The following SLCO1A2 variants were observed in gnomAD, a reference collection of about 807,000 sequenced individuals.
SLCO1A2 encodes the protein OATP-1.
In SLCO1A2, 67 loss-of-function variants were observed where a neutral mutation model predicts 69.0. The observed-to-expected ratio is 0.97, with a 90% CI of 0.80 to 1.19. SLCO1A2 has a LOEUF of 1.19. Ranked by LOEUF, SLCO1A2 falls within the 50% of genes most tolerant of loss-of-function variation. The pLI is 0.00. For synonymous variants in SLCO1A2, 260 were observed against 265.9 expected (o/e 0.98, Z 0.22); for missense variants, 787 against 793.7 (o/e 0.99, Z 0.10).
chr12:21,395,718 G>A (rs1000055614), upstream of SLCO1A2, among the ~76,000 whole-genome samples: 3 of 152,278 alleles, frequency 2.0e-5, no homozygotes, highest in Middle Eastern at 3.4e-3. Flanking sequence ...CCTGACCCCT[G>A]ACCCCCGAGC....
At chr12:21,320,163 C>T (rs1951420004) in intron 2 of SLCO1A2, among the ~76,000 whole-genome samples, 1 of 152,162 alleles carries the variant, frequency 6.6e-6, no homozygotes, top group Admixed American at 6.5e-5. Flanking sequence ...CTCACACCTT[C>T]CACCTTCCAC....
At chr12:21,358,245 C>T (rs1464752172) in intron 2 of SLCO1A2, among the ~76,000 whole-genome samples, 2 of 152,116 alleles carry the variant, frequency 1.3e-5, no homozygotes, top group Non-Finnish European at 2.9e-5. Flanking sequence ...TGAAAGTATG[C>T]TGGAAAAAAT....
At chr12:21,280,417 G>A (rs1330319843) in intron 12 of SLCO1A2, among the ~76,000 whole-genome samples, 2 of 151,922 alleles carry the variant, frequency 1.3e-5, no homozygotes, top group Non-Finnish European at 2.9e-5. Context: ...CCAAAAAAGA[G>A]CAGGAGTAGC....
rs1404233836 is a variant in SLCO1A2, at chr12:21,334,576, A to C, written c.60+12T>G. On this transcript the variant is annotated intron_variant, in intron 2 of 14. Coordinates refer to ENST00000683939, the MANE Select transcript of SLCO1A2 (RefSeq NM_001386879.1). Reference sequence around the variant, plus strand: ...GTACATGCACATATATCCACATACAAAAATTCCATACCTTCAACTTGGAAA... The same window carrying C: ...GTACATGCACATATATCCACATACACAAATTCCATACCTTCAACTTGGAAA... 6.2e-7 allele frequency: 1 copy of C among 1,602,328 alleles called. No individual in the cohort carries two copies. Among genetic ancestry groups the C allele is most frequent in the East Asian group, 2.2e-5 (1 of 44,658 alleles).
intron 1 of SLCO1A2, among the ~76,000 whole-genome samples, chr12:21,383,284 C>CTTAGTTT (rs1288370888): frequency 6.6e-6 from 1 of 152,054 alleles, no homozygotes; most frequent in East Asian, 1.9e-4. Context: ...TTTCTTTGTT[C>CTTAGTTT]CGTATACAAC....
intron 8 of SLCO1A2, among the ~76,000 whole-genome samples, chr12:21,298,768 G>T (rs571318858): frequency 7.2e-5 from 11 of 152,030 alleles, no homozygotes; most frequent in Non-Finnish European, 1.2e-4. Context: ...AACTGATCTT[G>T]CAGACTGCAA....
chr12:21,411,708 G>A (rs1941910084), intron 1 of SLCO1A2, among the ~76,000 whole-genome samples: 1 of 151,284 alleles, frequency 6.6e-6, no homozygotes, highest in African/African-American at 2.4e-5. Flanking sequence ...TTTGAGACAA[G>A]GTTTCACTCC....
At chr12:21,345,393 G>T (rs1255220510) in intron 2 of SLCO1A2, among the ~76,000 whole-genome samples, 1 of 152,006 alleles carries the variant, frequency 6.6e-6, no homozygotes, top group African/African-American at 2.4e-5. Flanking sequence ...ATTCTAAAAT[G>T]TTAGAACCAG....
At chr12:21,288,571 G>T (rs972341912) in intron 12 of SLCO1A2, among the ~76,000 whole-genome samples, 1 of 152,106 alleles carries the variant, frequency 6.6e-6, no homozygotes, top group African/African-American at 2.4e-5. Context: ...CGAAAAAATG[G>T]AAAGAATGAA....
intron 1 of SLCO1A2, among the ~76,000 whole-genome samples, chr12:21,400,634 C>T (rs1311432216): frequency 6.6e-6 from 1 of 150,678 alleles, no homozygotes; most frequent in Non-Finnish European, 1.5e-5. Context: ...ACCCAAATGT[C>T]CAACAATGAT....
intron 2 of SLCO1A2, among the ~76,000 whole-genome samples, chr12:21,360,737 A>G (rs1356897766): frequency 1.3e-5 from 2 of 152,246 alleles, no homozygotes; most frequent in African/African-American, 4.8e-5. Flanking sequence ...CCAGGAGATT[A>G]TATCCCGCGG....
At chr12:21,398,267 A>C (rs1340546976), upstream of SLCO1A2, among the ~76,000 whole-genome samples, 2 of 151,400 alleles carry the variant, frequency 1.3e-5, no homozygotes, top group Non-Finnish European at 3.0e-5. Context: ...TAAACTAGAA[A>C]ATCTAGAAGA....
intron 1 of SLCO1A2, among the ~76,000 whole-genome samples, chr12:21,376,018 T>C (rs1272763726): frequency 3.3e-5 from 5 of 152,208 alleles, no homozygotes; most frequent in Non-Finnish European, 7.4e-5. Flanking sequence ...AATAGTATAT[T>C]TAGATGAAAA....
At position 21,347,673 on chromosome 12, in the gene SLCO1A2, G is replaced by A. The variant is rs113914603; in HGVS notation, c.-62-12964C>T. On this transcript the variant is annotated intron_variant, in intron 2 of 15. Coordinates refer to the SLCO1A2 transcript ENST00000307378. ...AGAAGGAAAGAAGAAAGAAAGAAAGGAAGGAAGGAAGGAAGGAAGGAAGGA... is the reference window on the plus strand; with the variant it reads ...AGAAGGAAAGAAGAAAGAAAGAAAGAAAGGAAGGAAGGAAGGAAGGAAGGA... 6.5e-4 allele frequency among the ~76,000 whole-genome samples: 85 copies of A among 130,832 alleles called. 1 individual carries two copies. The highest frequency in any genetic ancestry group is 4.3e-3 in the South Asian group (17 of 3,926). The allele number at this position is 130,832 out of a possible 152,430, so 85.8% of individuals were successfully genotyped here.
At chr12:21,281,128 T>A (rs1232459848) in intron 12 of SLCO1A2, among the ~76,000 whole-genome samples, 1 of 151,992 alleles carries the variant, frequency 6.6e-6, no homozygotes, top group Admixed American at 6.6e-5. Flanking sequence ...TATAAATGCC[T>A]ACATCAAAAA....
Position 21,306,075 on chromosome 12 carries a change from GA to G in SLCO1A2, c.442+806del, listed in dbSNP as rs372092341. Among the ~76,000 whole-genome samples, 272 of 150,484 alleles carry G rather than the reference GA, an allele frequency of 1.8e-3. 8 individuals are homozygous for G. In the South Asian group the frequency reaches 0.046, roughly 26 times the overall value. On this transcript the variant is annotated intron_variant, in intron 5 of 14. Coordinates refer to ENST00000683939, the MANE Select transcript of SLCO1A2 (RefSeq NM_001386879.1). ...TAAAGCACTATCTCCAGTAGAGGGG[GA>G]AAAAAAAAGAGCAGAAAGACAAGTT...
At position 21,380,892 on chromosome 12, in the gene SLCO1A2, G is replaced by A. The variant is rs542089791; in HGVS notation, c.-189-6367C>T. Among the ~76,000 whole-genome samples the A allele has an allele frequency of 1.8e-3, 62 of 33,526 alleles. No individual in the cohort carries two copies. The Middle Eastern group carries it at 0.054, about 29-fold the overall frequency. The allele number at this position is 33,526 out of a possible 152,430, so 22.0% of individuals were successfully genotyped here. ...ACACCCCCATGCCCCCACTGCCCCA[G>A]CCCCCGACCAAGAATTATCAGGCGA... On this transcript the variant is annotated intron_variant, in intron 1 of 15. Transcript: ENST00000307378.
At chr12:21,328,893 T>A (rs181702171) in intron 2 of SLCO1A2, among the ~76,000 whole-genome samples, 2 of 152,324 alleles carry the variant, frequency 1.3e-5, no homozygotes, top group African/African-American at 4.8e-5. Flanking sequence ...ATATCCCAGT[T>A]ATAAAGACAG....
At chr12:21,410,955 A>G (rs1239157542) in intron 1 of SLCO1A2, among the ~76,000 whole-genome samples, 5 of 152,130 alleles carry the variant, frequency 3.3e-5, no homozygotes, top group Non-Finnish European at 2.9e-5. Flanking sequence ...ATTAACGAGT[A>G]AAGATTCTTT....
Sources: allele counts gnomAD v4.1 joint callset (sites outside exome capture counted in the v4.1 genomes callset), GRCh38; gene constraint gnomAD v4.1.1; transcripts MANE v1.5; gene names NCBI Gene and HGNC (gene_info 2026-07-23, HGNC 2026-07-21).